AKAP19: variants seen among roughly 807,000 people sequenced by gnomAD.
AKAP19 encodes the protein A-kinase anchoring protein 19, also known as small A-kinase anchoring protein.
chr2:190,056,189 G>A, the AKAP19 span: 2 of 152,468 alleles, frequency 1.3e-5, no homozygotes, highest in African/African-American at 4.8e-5. Flanking sequence ...GCTTTTCTGT[G>A]ATGCATGACA....
At chr2:190,091,547 A>AACACACACACACACACACATAC in the AKAP19 span, among the ~76,000 whole-genome samples, 1 of 150,394 alleles carries the variant, frequency 6.6e-6, no homozygotes, top group East Asian at 1.9e-4. Flanking sequence ...TCTTTTGTTA[A>AACACACACACACACACACATAC]ACACACACAC....
chr2:190,186,588 T>C, the AKAP19 span, among the ~76,000 whole-genome samples: 1 of 152,224 alleles, frequency 6.6e-6, no homozygotes, highest in African/African-American at 2.4e-5. This position sits in a 1 kb window ranked among gnomAD's most constrained non-coding sequence, Gnocchi z 5.5. Flanking sequence ...TTTTCCTTTT[T>C]GGTGAAAGAC....
chr2:190,184,368 C>T, the AKAP19 span, among the ~76,000 whole-genome samples: 1 of 152,312 alleles, frequency 6.6e-6, no homozygotes, highest in African/African-American at 2.4e-5. Context: ...TGTAAACAGC[C>T]TGCAAGAGGC....
the AKAP19 span, among the ~76,000 whole-genome samples, chr2:190,163,165 T>G: frequency 6.6e-6 from 1 of 152,126 alleles, no homozygotes; most frequent in Non-Finnish European, 1.5e-5. Context: ...CCGGGCGCGG[T>G]GGCTCACGCC....
At chr2:190,193,888 T>G in the AKAP19 span, among the ~76,000 whole-genome samples, 1 of 152,184 alleles carries the variant, frequency 6.6e-6, no homozygotes, top group African/African-American at 2.4e-5. Flanking sequence ...ATATCACTGA[T>G]TTAAACTTTT....
chr2:190,036,670 G>C, the AKAP19 span, among the ~76,000 whole-genome samples: 2 of 152,004 alleles, frequency 1.3e-5, no homozygotes, highest in African/African-American at 4.8e-5. Context: ...GAAAATAAAA[G>C]GTGCTTTACT....
the AKAP19 span, among the ~76,000 whole-genome samples, chr2:189,913,197 A>G: frequency 0.011 from 1,746 of 152,260 alleles, 33 homozygotes; most frequent in Non-Finnish European, 0.013. Context: ...ATAAAAGAAA[A>G]GAAAGCAACT....
chr2:190,115,195 G>A, the AKAP19 span, among the ~76,000 whole-genome samples: 1 of 129,108 alleles, frequency 7.7e-6, no homozygotes, highest in Non-Finnish European at 1.6e-5. Context: ...GAGAGAGAGA[G>A]ACAGAGAGAG....
chr2:189,983,778 G>A, the AKAP19 span, among the ~76,000 whole-genome samples: 16 of 152,274 alleles, frequency 1.1e-4, no homozygotes, highest in Middle Eastern at 3.4e-3. Context: ...GGTTTTGGGG[G>A]AACTGCCCCG....
chr2:190,076,140 T>C, the AKAP19 span, among the ~76,000 whole-genome samples: 1 of 152,368 alleles, frequency 6.6e-6, no homozygotes, highest in African/African-American at 2.4e-5. Flanking sequence ...TAAGTATTTA[T>C]GCATATATCT....
chr2:190,102,612 A>G, the AKAP19 span, among the ~76,000 whole-genome samples: 4 of 152,326 alleles, frequency 2.6e-5, no homozygotes, highest in South Asian at 2.1e-4. Context: ...CTGGAAACAT[A>G]CAACCTGCCA....
At chr2:190,080,153 A>C in the AKAP19 span, 1 of 152,194 alleles carries the variant, frequency 6.6e-6, no homozygotes, top group Non-Finnish European at 1.5e-5. Flanking sequence ...CAGTTATATA[A>C]AAATTAGCTG....
the AKAP19 span, among the ~76,000 whole-genome samples, chr2:190,122,810 C>CT: frequency 0.041 from 5,916 of 144,662 alleles, 183 homozygotes; most frequent in African/African-American, 0.08. Flanking sequence ...CTCTCTCTCT[C>CT]TTTTTTTTTT....
At chr2:190,081,994 A>T in the AKAP19 span, among the ~76,000 whole-genome samples, 1 of 152,074 alleles carries the variant, frequency 6.6e-6, no homozygotes, top group Admixed American at 6.5e-5. Context: ...TCTACCACTG[A>T]TACAGCTATC....
chr2:190,045,967 G>A, the AKAP19 span, among the ~76,000 whole-genome samples: 1 of 152,188 alleles, frequency 6.6e-6, no homozygotes, highest in Non-Finnish European at 1.5e-5. Flanking sequence ...CCTGAGCTGG[G>A]GGTTGCAAAG....
chr2:190,042,353 C>T, the AKAP19 span, among the ~76,000 whole-genome samples: 18 of 151,778 alleles, frequency 1.2e-4, no homozygotes, highest in East Asian at 2.3e-3. Flanking sequence ...TCTGTGGGGC[C>T]GGTGGTAACA....
the AKAP19 span, among the ~76,000 whole-genome samples, chr2:189,962,403 T>C: frequency 6.6e-6 from 1 of 152,234 alleles, no homozygotes; most frequent in Non-Finnish European, 1.5e-5. Context: ...CATGGCTATA[T>C]ATGAATATGT....
the AKAP19 span, among the ~76,000 whole-genome samples, chr2:190,132,196 G>A: frequency 0.071 from 10,802 of 152,180 alleles, 640 homozygotes; most frequent in African/African-American, 0.16. Flanking sequence ...TAGGAGAACT[G>A]ATATTGTTAA....
the AKAP19 span, among the ~76,000 whole-genome samples, chr2:189,986,081 A>G: frequency 6.6e-6 from 1 of 152,146 alleles, no homozygotes; most frequent in African/African-American, 2.4e-5. Flanking sequence ...AGATCTTTAT[A>G]TTTGGGGGGC....
Sources: gnomAD v4.1 joint callset for allele counts (sites outside exome capture counted in the v4.1 genomes callset) on GRCh38, gnomAD v4.1.1 for gene constraint, Gnocchi (gnomAD v3.1) non-coding constraint, MANE v1.5 for transcripts, NCBI Gene and HGNC (gene_info 2026-07-23, HGNC 2026-07-21) for gene names.